Variants in MYOCD observed in about 807,000 individuals in gnomAD.
MYOCD encodes myocardin.
A neutral mutation model predicts 96.1 loss-of-function variants in MYOCD; 32 were observed. The ratio of observed to expected loss-of-function variants is 0.33; its 90% CI spans 0.25 to 0.45. The LOEUF is 0.45. Among genes scored for constraint, MYOCD ranks in the 20% least tolerant of loss-of-function variants. The pLI is 1.00. For synonymous variants in MYOCD, 469 were observed against 469.0 expected, an observed-to-expected ratio of 1.00 and a Z score of 0.00; for missense variants, 1,133 against 1,200.6, an observed-to-expected ratio of 0.94 and a Z score of 0.83.
At chr17:12,722,797 G>C in intron 4 of MYOCD, 50 bp from the exon 5 acceptor site, 1 of 1,495,584 alleles carries the variant, frequency 6.7e-7, no homozygotes, top group Non-Finnish European at 9.1e-7. Flanking sequence ...AAAAGAGAGA[G>C]ACAGAGACAT....
At chr17:12,727,008 T>G (rs996242097) in intron 5 of MYOCD, among the ~76,000 whole-genome samples, 1 of 152,162 alleles carries the variant, frequency 6.6e-6, no homozygotes, top group Non-Finnish European at 1.5e-5. Flanking sequence ...CCTCAAGTAG[T>G]AGACAGTATT....
At chr17:12,748,321 T>C (rs1407401691) in intron 9 of MYOCD, among the ~76,000 whole-genome samples, 1 of 152,118 alleles carries the variant, frequency 6.6e-6, no homozygotes, top group Non-Finnish European at 1.5e-5. Flanking sequence ...TTTTTAAGAG[T>C]ACTTATCTTT....
At chr17:12,729,719 G>A (rs1016505666) in intron 5 of MYOCD, among the ~76,000 whole-genome samples, 1 of 151,970 alleles carries the variant, frequency 6.6e-6, no homozygotes, top group South Asian at 2.1e-4. Flanking sequence ...TTACAGGTGC[G>A]TGGCACCACA....
intron 1 of MYOCD, among the ~76,000 whole-genome samples, chr17:12,694,397 G>A (rs1037583487): frequency 2.5e-4 from 38 of 152,198 alleles, no homozygotes; most frequent in Non-Finnish European, 4.7e-4. Context: ...GGAAGCAGCC[G>A]CAGAGAGGGA....
rs760952453 is a variant in MYOCD at position 12,705,175 on chromosome 17, A to G, written c.103A>G (p.Asn35Asp). 1.2e-6 allele frequency: 2 copies of G among 1,613,346 alleles called. No individual in the cohort carries two copies. The highest frequency in any genetic ancestry group is 1.7e-6 in the Non-Finnish European group (2 of 1,179,306). ...QQRRTQEQLA[N>D]QGIIPPLKRP... ...AAGAAGGACCCAGGAACAACTGGCTAACCAAGGCATAATACCACGTGAGTA... is the reference window on the plus strand; with the variant it reads ...AAGAAGGACCCAGGAACAACTGGCTGACCAAGGCATAATACCACGTGAGTA... The change falls in exon 2 of 14, where the codon AAC (asparagine) becomes GAC (aspartate). Residue 35 changes from asparagine (N) to aspartate (D), a missense_variant. By Grantham distance (23) the Asn-to-Asp change is conservative (BLOSUM62 1). Transcript: ENST00000425538.
At chr17:12,688,637 T>C (rs1299692735) in intron 1 of MYOCD, among the ~76,000 whole-genome samples, 2 of 150,410 alleles carry the variant, frequency 1.3e-5, no homozygotes, top group Non-Finnish European at 3.0e-5. Flanking sequence ...TCCGTCTTCT[T>C]CCTTCCATCT....
intron 9 of MYOCD, among the ~76,000 whole-genome samples, chr17:12,748,569 G>A (rs1320772639): frequency 6.6e-6 from 1 of 152,180 alleles, no homozygotes; most frequent in African/African-American, 2.4e-5. Flanking sequence ...ACTAGTGAAT[G>A]TAGGGAAGAG....
chr17:12,733,776 A>G (rs2032250898), intron 5 of MYOCD, among the ~76,000 whole-genome samples: 1 of 151,944 alleles, frequency 6.6e-6, no homozygotes, highest in Non-Finnish European at 1.5e-5. Context: ...CTGAGGCCAG[A>G]GAATCACTTA....
intron 12 of MYOCD, chr17:12,760,304 A>G (rs2033132640): frequency 3.2e-6 from 1 of 310,134 alleles, no homozygotes; most frequent in Non-Finnish European, 6.3e-6. Context: ...GAATAGTCAA[A>G]TTCGTAAAGG....
intron 12 of MYOCD, 118 bp from the exon 13 acceptor site, chr17:12,760,532 G>GAA: frequency 1.3e-6 from 1 of 776,910 alleles, no homozygotes; most frequent in Non-Finnish European, 2.2e-6. Flanking sequence ...GCCACAATTG[G>GAA]AAAAAAAAAT....
At chr17:12,694,397 G>T (rs1037583487) in intron 1 of MYOCD, among the ~76,000 whole-genome samples, 3 of 152,198 alleles carry the variant, frequency 2.0e-5, no homozygotes, top group Non-Finnish European at 2.9e-5. Context: ...GGAAGCAGCC[G>T]CAGAGAGGGA....
At chr17:12,737,050 T>A (rs2032367201) in intron 6 of MYOCD, among the ~76,000 whole-genome samples, 1 of 151,582 alleles carries the variant, frequency 6.6e-6, no homozygotes, top group Non-Finnish European at 1.5e-5. Flanking sequence ...AGATCAGGAG[T>A]GCAAGACCAG....
chr17:12,734,699 C>T (rs1414467308), intron 5 of MYOCD, among the ~76,000 whole-genome samples: 5 of 151,676 alleles, frequency 3.3e-5, no homozygotes, highest in East Asian at 2.0e-4. Context: ...TTAGTAGAGA[C>T]GGGGTTTCAC....
intron 10 of MYOCD, among the ~76,000 whole-genome samples, 197 bp from the exon 11 acceptor site, chr17:12,756,217 T>C (rs1049393617): frequency 6.6e-6 from 1 of 152,182 alleles, no homozygotes; most frequent in African/African-American, 2.4e-5. Context: ...TGTGGATACC[T>C]GGAGCCACTG....
chr17:12,704,851 A>ATCTCG, intron 1 of MYOCD: 1 of 359,530 alleles, frequency 2.8e-6, no homozygotes, highest in Non-Finnish European at 5.1e-6. Context: ...CAGAGTGTAG[A>ATCTCG]GAGAGAGAGC....
In MYOCD at chr17:12,727,010, G is replaced by A. The variant is rs375399836; in HGVS notation, c.415+4002G>A. On this transcript the variant is annotated intron_variant, in intron 5 of 13. Coordinates refer to ENST00000425538, the MANE Select transcript of MYOCD (RefSeq NM_001146312.3). ...TTAAAGTTATTGGCCTCAAGTAGTA[G>A]ACAGTATTGGCTCCCAGTTGTTCTA... Among the ~76,000 whole-genome samples the A allele has an allele frequency of 2.0e-4, 31 of 152,220 alleles. No homozygotes were observed. In the South Asian group the frequency reaches 6.2e-3, roughly 31 times the overall value.
chr17:12,739,155 A>T, intron 6 of MYOCD, 48 bp from the exon 7 acceptor site: 1 of 1,561,370 alleles, frequency 6.4e-7, no homozygotes, highest in Non-Finnish European at 8.7e-7. Context: ...TCTGTGTCAC[A>T]CAACTTATTC....
intron 2 of MYOCD, among the ~76,000 whole-genome samples, chr17:12,706,866 A>G (rs1885069503): frequency 6.6e-6 from 1 of 152,226 alleles, no homozygotes; most frequent in African/African-American, 2.4e-5. Context: ...AGTCCATGGC[A>G]TCATTAAGAT....
chr17:12,697,427 A>G (rs896788568), intron 1 of MYOCD, among the ~76,000 whole-genome samples: 2 of 138,978 alleles, frequency 1.4e-5, no homozygotes, highest in African/African-American at 5.5e-5. Context: ...CAGTGGCGCA[A>G]TCTTGGCTCA....
Sources: allele counts gnomAD v4.1 joint callset (sites outside exome capture counted in the v4.1 genomes callset), GRCh38; gene constraint gnomAD v4.1.1; transcripts MANE v1.5; gene names NCBI Gene and HGNC (gene_info 2026-07-23, HGNC 2026-07-21).